The following SLC19A3 variants were observed in gnomAD, a reference collection of about 807,000 sequenced individuals.
The protein encoded by SLC19A3 is solute carrier family 19 member 3, also known as thiamine transporter 2.
A neutral mutation model predicts 40.2 loss-of-function variants in SLC19A3; 31 were observed. The ratio of observed to expected loss-of-function variants is 0.77; its 90% confidence interval spans 0.58 to 1.04. SLC19A3 has a LOEUF of 1.04. Among genes scored for constraint, SLC19A3 ranks in the 50% least tolerant of loss-of-function variants. SLC19A3 has a pLI of 0.00. For synonymous variants in SLC19A3, 212 were observed against 227.5 expected (o/e 0.93, Z 0.61); for missense variants, 592 against 596.7 (o/e 0.99, Z 0.08).
intron 4 of SLC19A3, 114 bp from the exon 5 acceptor site, chr2:227,688,421 T>C (rs1451116316): frequency 4.5e-6 from 4 of 885,424 alleles, no homozygotes; most frequent in East Asian, 2.6e-5. Flanking sequence ...CAGCTCCAGG[T>C]AGTCCAGCAA....
Position 227,699,302 on chromosome 2 carries a change from C to G in SLC19A3, c.413G>C (p.Arg138Thr), listed in dbSNP as rs1159158748. The G allele has an allele frequency of 6.2e-7, 1 of 1,614,080 alleles. No individual in the cohort carries two copies. Among genetic ancestry groups the G allele is most frequent in the Non-Finnish European group, 8.5e-7 (1 of 1,180,046 alleles). Residue 138 changes from arginine (R) to threonine (T), a missense_variant, in exon 3 of 6, where the codon AGA (arginine) becomes ACA (threonine). Coordinates refer to ENST00000644224, the MANE Select transcript of SLC19A3 (RefSeq NM_025243.4). ...YSVVSPEHYQ[R>T]VSGYCRSVTL... is the part of the protein sequence containing the mutation. The stretch of plus-strand genomic sequence containing the variant: ...GACGCTCCTGCAGTAGCCGCTCACT[C>G]TCTGGTAGTGCTCGGGGCTGACCAC...
chr2:227,687,015 G>A lies in SLC19A3; in HGVS notation c.*382C>T, dbSNP rs1241021780. 1 of 174,364 alleles carries A rather than the reference G, an allele frequency of 5.7e-6. No individual in the cohort carries two copies. The allele number at this position is 174,364 out of a possible 1,614,324, so 10.8% of individuals were successfully genotyped here. The stretch of plus-strand genomic sequence containing the variant: ...AATAAGTATTTAAGCCTAGCAATAG[G>A]GTCAGTCCAGTTAGTATTTCTCCTC... On this transcript the variant is annotated 3_prime_UTR_variant, in exon 6 of 6. Coordinates refer to ENST00000644224, the MANE Select transcript of SLC19A3 (RefSeq NM_025243.4).
intron 1 of SLC19A3, among the ~76,000 whole-genome samples, chr2:227,716,182 G>A (rs1429327566): frequency 4.6e-5 from 7 of 152,086 alleles, no homozygotes; most frequent in Admixed American, 4.6e-4. Context: ...AGTAATTATT[G>A]TCTATAGACA....
At position 227,702,455 on chromosome 2, in the gene SLC19A3, A is replaced by T. The variant is rs1039442029; in HGVS notation, c.-2-135T>A. The T allele has an allele frequency of 6.6e-5, 57 of 860,820 alleles. No individual in the cohort carries two copies. In the Middle Eastern group the frequency reaches 1.0e-3, roughly 15 times the overall value. The allele number at this position is 860,820 out of a possible 1,614,324, so 53.3% of individuals were successfully genotyped here. A position where few individuals can be genotyped will look rare whatever the true frequency, so the allele number is the denominator to read the frequency against. ...GTTGTCCAGGCTGAAGTGCAGTGGC[A>T]TGATCTCAGCCCATTGCAACCTGTG... On this transcript the variant is annotated intron_variant, in intron 1 of 5. Transcript: ENST00000644224.
Position 227,699,202 on chromosome 2 carries a change from G to T in SLC19A3, c.513C>A (p.Tyr171Ter). Residue 171 changes from tyrosine to a stop codon, truncating the protein, a stop_gained, in exon 3 of 6, where the codon TAC becomes TAA. Transcript: ENST00000644224. LOFTEE classifies it high-confidence loss of function. ...LVSLANMSYF[Y>*]LNVISLASVS... ...CAGAGGCCAAGGATATGACGTTGAG[G>T]TAAAAGTACGACATGTTCGCCAGGG... 6.2e-7 allele frequency: 1 copy of T among 1,614,128 alleles called. No homozygotes were observed. Among genetic ancestry groups the T allele is most frequent in the Non-Finnish European group, 8.5e-7 (1 of 1,180,038 alleles).
At chr2:227,709,321 T>C (rs1316494852) in intron 1 of SLC19A3, among the ~76,000 whole-genome samples, 1 of 151,932 alleles carries the variant, frequency 6.6e-6, no homozygotes, top group East Asian at 1.9e-4. Context: ...CGTCTCAAAC[T>C]AAAAAATGCA....
chr2:227,695,906 A>G lies in SLC19A3; in HGVS notation c.1155T>C (p.Leu385=), dbSNP rs766980351. Residue 385 remains leucine, a synonymous_variant, in exon 4 of 6, where the codon CTT becomes CTC. Transcript: ENST00000644224. ...GYLIFKSSYM[L]LITIAVFQIA... ...AAACTTACACTGCTATGGTTATAAG[A>G]AGCATATAGCTGGACTTGAATATCA... 8 of 1,614,208 alleles carry G rather than the reference A, an allele frequency of 5.0e-6. No individual in the cohort carries two copies. The highest frequency in any genetic ancestry group is 6.8e-6 in the Non-Finnish European group (8 of 1,180,044).
rs1227601131 is a variant in SLC19A3 at position 227,684,986 on chromosome 2, A to T, written c.*2411T>A. On this transcript the variant is annotated 3_prime_UTR_variant, in exon 6 of 6. Transcript: ENST00000644224. ...TGACAGAGCAAGATTCTATCAAAAA[A>T]AAAAAAAAAAAAAAAAAAAGAAGAA... 1 of 126,076 alleles carries T rather than the reference A, an allele frequency of 7.9e-6. No individual in the cohort carries two copies. The highest frequency in any genetic ancestry group is 1.5e-5 in the Non-Finnish European group (1 of 65,726). The allele number at this position is 126,076 out of a possible 1,614,324, so 7.8% of individuals were successfully genotyped here. A position where few individuals can be genotyped will look rare whatever the true frequency, so the allele number is the denominator to read the frequency against.
intron 4 of SLC19A3, among the ~76,000 whole-genome samples, chr2:227,694,563 C>A (rs1695355733): frequency 6.6e-6 from 1 of 152,152 alleles, no homozygotes; most frequent in African/African-American, 2.4e-5. Context: ...GTCTCCACTT[C>A]TTTCATGCAA....
intron 4 of SLC19A3, among the ~76,000 whole-genome samples, chr2:227,695,366 G>T (rs1239461101): frequency 1.3e-5 from 2 of 152,190 alleles, no homozygotes; most frequent in Admixed American, 1.3e-4. Context: ...ACTTTGGGAA[G>T]CCAGGGCAGG....
chr2:227,709,786 T>C (rs949167718), intron 1 of SLC19A3, among the ~76,000 whole-genome samples: 1 of 152,176 alleles, frequency 6.6e-6, no homozygotes, highest in Non-Finnish European at 1.5e-5. Flanking sequence ...GAAATCACTT[T>C]ATCAAGTCCT....
At chr2:227,696,215 G>A (rs1025401824) in intron 3 of SLC19A3, 134 bp from the exon 4 acceptor site, 12 of 811,238 alleles carry the variant, frequency 1.5e-5, no homozygotes, top group African/African-American at 1.7e-5. Flanking sequence ...TTGTGTGATC[G>A]ACCTGAATGT....
rs561263131 is a variant in SLC19A3, at chr2:227,685,555, A to T, written c.*1842T>A. 9.8e-5 allele frequency: 15 copies of T among 152,302 alleles called. No homozygotes were observed. In the East Asian group the frequency reaches 2.7e-3, roughly 27 times the overall value. The allele number at this position is 152,302 out of a possible 1,614,324, so 9.4% of individuals were successfully genotyped here. On this transcript the variant is annotated 3_prime_UTR_variant, in exon 6 of 6. Transcript: ENST00000644224. ...GAGATTTGGTGGGGACACAGATCCAAACCATATCAAAATCCAATTAAAAAT... is the reference window on the plus strand; with the variant it reads ...GAGATTTGGTGGGGACACAGATCCATACCATATCAAAATCCAATTAAAAAT...
At chr2:227,694,956 A>C (rs1405145292) in intron 4 of SLC19A3, among the ~76,000 whole-genome samples, 1 of 152,134 alleles carries the variant, frequency 6.6e-6, no homozygotes, top group African/African-American at 2.4e-5. Context: ...GCTACTCAGG[A>C]GGCTGAGGTG....
At chr2:227,689,267 A>G (rs531284140) in intron 4 of SLC19A3, among the ~76,000 whole-genome samples, 1 of 152,224 alleles carries the variant, frequency 6.6e-6, no homozygotes, top group Non-Finnish European at 1.5e-5. Context: ...ACAAGGTTAC[A>G]GAACACCAAG....
intron 1 of SLC19A3, 170 bp from the exon 2 acceptor site, chr2:227,702,490 C>G (rs991291307): frequency 1.6e-6 from 1 of 631,658 alleles, no homozygotes; most frequent in Non-Finnish European, 2.7e-6. Flanking sequence ...GCCTCCCGGG[C>G]TCAAGCCATT....
intron 1 of SLC19A3, among the ~76,000 whole-genome samples, chr2:227,708,184 A>G (rs1179720649): frequency 1.3e-5 from 2 of 151,716 alleles, no homozygotes; most frequent in Admixed American, 1.3e-4. Context: ...AAATGCTCTT[A>G]GTTTTCTTTT....
intron 1 of SLC19A3, among the ~76,000 whole-genome samples, chr2:227,704,011 C>T (rs1289291539): frequency 6.6e-6 from 1 of 152,138 alleles, no homozygotes; most frequent in Non-Finnish European, 1.5e-5. Flanking sequence ...ACATGCCCTA[C>T]TAAAGTACAA....
chr2:227,688,020 A>T (rs566869956), intron 5 of SLC19A3, 146 bp downstream of exon 5: 1 of 896,222 alleles, frequency 1.1e-6, no homozygotes, highest in Non-Finnish European at 1.8e-6. Context: ...CTCAAAACCT[A>T]CTTGGTGTGT....
Sources: allele counts gnomAD v4.1 joint callset (sites outside exome capture counted in the v4.1 genomes callset), GRCh38; gene constraint gnomAD v4.1.1; transcripts MANE v1.5; gene names NCBI Gene and HGNC (gene_info 2026-07-23, HGNC 2026-07-21).